The following CDH12 variants were observed in gnomAD, a reference collection of about 807,000 sequenced individuals.
CDH12 encodes cadherin-12.
In CDH12, 41 loss-of-function variants were observed where a neutral mutation model predicts 74.1. The ratio of observed to expected loss-of-function variants is 0.55; its 90% CI spans 0.43 to 0.72. CDH12 has a LOEUF of 0.72. Ranked by LOEUF, CDH12 falls within the 30% of genes least tolerant of loss-of-function variation. The pLI is 0.00. For missense variants in CDH12, 945 were observed against 977.2 expected, an observed-to-expected ratio of 0.97 and a Z score of 0.44; for synonymous variants, 399 against 355.0, an observed-to-expected ratio of 1.12 and a Z score of -1.39.
intron 4 of CDH12, among the ~76,000 whole-genome samples, chr5:22,196,972 T>A (rs1165990837): frequency 6.6e-6 from 1 of 152,146 alleles, no homozygotes; most frequent in African/African-American, 2.4e-5. Context: ...GCTTAATATC[T>A]GGGTGATGAA....
intron 5 of CDH12, among the ~76,000 whole-genome samples, chr5:22,050,772 T>C (rs1326762529): frequency 6.6e-6 from 1 of 152,170 alleles, no homozygotes; most frequent in Non-Finnish European, 1.5e-5. Context: ...GGAGAGTTTC[T>C]GAAAAAGCTG....
chr5:22,029,524 A>G (rs972478925), intron 5 of CDH12, among the ~76,000 whole-genome samples: 2 of 151,112 alleles, frequency 1.3e-5, no homozygotes, highest in Non-Finnish European at 3.0e-5. Context: ...GCTCATCATC[A>G]CTGGCCATCA....
chr5:22,320,565 A>T (rs2150436692), intron 3 of CDH12, among the ~76,000 whole-genome samples: 2 of 152,342 alleles, frequency 1.3e-5, no homozygotes, highest in Non-Finnish European at 2.9e-5. Context: ...TGTGGAATAC[A>T]AATAAACAAG....
chr5:22,537,380 C>T (rs1737898563), intron 1 of CDH12, among the ~76,000 whole-genome samples: 1 of 152,162 alleles, frequency 6.6e-6, no homozygotes, highest in African/African-American at 2.4e-5. Flanking sequence ...GAATTTAATA[C>T]AGTAGTATTG....
At chr5:22,132,551 AC>A (rs1301040975) in intron 4 of CDH12, among the ~76,000 whole-genome samples, 1 of 151,784 alleles carries the variant, frequency 6.6e-6, no homozygotes, top group Non-Finnish European at 1.5e-5. Context: ...GGAAGAAATA[AC>A]AAACTCCTTA....
chr5:21,832,714 T>C (rs1749093020), intron 8 of CDH12, among the ~76,000 whole-genome samples: 1 of 143,134 alleles, frequency 7.0e-6, no homozygotes, highest in South Asian at 2.1e-4. Flanking sequence ...ATTTAATGAG[T>C]AATGGAAATG....
At chr5:22,839,990 C>T (rs1737010525) in intron 1 of CDH12, among the ~76,000 whole-genome samples, 1 of 152,166 alleles carries the variant, frequency 6.6e-6, no homozygotes, top group African/African-American at 2.4e-5. Flanking sequence ...ATTAGTCACA[C>T]ACAAACCAGA....
At chr5:22,711,723 CT>C (rs1743298221) in intron 1 of CDH12, among the ~76,000 whole-genome samples, 1 of 151,868 alleles carries the variant, frequency 6.6e-6, no homozygotes, top group African/African-American at 2.4e-5. Flanking sequence ...TTACTTGATT[CT>C]TTAGGGAAAA....
intron 2 of CDH12, among the ~76,000 whole-genome samples, chr5:22,500,472 G>A (rs1293248876): frequency 6.6e-6 from 1 of 152,080 alleles, no homozygotes; most frequent in African/African-American, 2.4e-5. Flanking sequence ...CAAAGCAAAT[G>A]ATAAGCATTT....
intron 1 of CDH12, among the ~76,000 whole-genome samples, chr5:22,577,463 C>A (rs1739852503): frequency 6.6e-6 from 1 of 152,032 alleles, no homozygotes; most frequent in Non-Finnish European, 1.5e-5. Context: ...ATTATAAGGG[C>A]TTAATTTAAA....
At chr5:22,834,953 A>G (rs1247571577) in intron 1 of CDH12, among the ~76,000 whole-genome samples, 3 of 152,108 alleles carry the variant, frequency 2.0e-5, no homozygotes, top group Non-Finnish European at 4.4e-5. Context: ...GAGATAAATA[A>G]AAGTAAGCCA....
intron 11 of CDH12, among the ~76,000 whole-genome samples, chr5:21,776,853 C>T (rs990440500): frequency 6.6e-6 from 1 of 152,102 alleles, no homozygotes. Flanking sequence ...CCATTGAGCA[C>T]AAGGTGAAAA....
intron 1 of CDH12, among the ~76,000 whole-genome samples, chr5:22,822,358 C>T (rs1749748646): frequency 6.6e-6 from 1 of 152,032 alleles, no homozygotes; most frequent in African/African-American, 2.4e-5. Flanking sequence ...AAAGCAATGG[C>T]AACAAAAGCC....
chr5:22,381,438 C>CG (rs1741754984), intron 3 of CDH12, among the ~76,000 whole-genome samples: 1 of 151,938 alleles, frequency 6.6e-6, no homozygotes, highest in African/African-American at 2.4e-5. Context: ...TTTCAATCTT[C>CG]GGGTTGGTCA....
intron 1 of CDH12, among the ~76,000 whole-genome samples, chr5:22,564,134 T>A (rs184755150): frequency 3.3e-5 from 5 of 152,340 alleles, no homozygotes; most frequent in African/African-American, 4.8e-5. Flanking sequence ...AATTTTCTGA[T>A]CATTTTGCTG....
Position 21,943,363 on chromosome 5 carries a change from C to T in CDH12, c.526+31728G>A, listed in dbSNP as rs12654568. 2.6e-5 allele frequency among the ~76,000 whole-genome samples: 4 copies of T among 152,098 alleles called. No individual in the cohort carries two copies. In the East Asian group the frequency reaches 7.7e-4, roughly 29 times the overall value. On this transcript the variant is annotated intron_variant, in intron 6 of 14. Coordinates refer to ENST00000382254, the MANE Select transcript of CDH12 (RefSeq NM_004061.5). ...ACATTTATATAACATTGAATTTATT[C>T]TCAAAATTTTATGCAACCAATTACA... is the stretch of plus-strand genomic sequence containing the variant.
intron 2 of CDH12, among the ~76,000 whole-genome samples, chr5:22,468,940 T>C (rs1451908112): frequency 3.3e-5 from 5 of 152,212 alleles, no homozygotes; most frequent in African/African-American, 1.2e-4. Context: ...CAATTGAATA[T>C]TTTTAACTGT....
intron 1 of CDH12, among the ~76,000 whole-genome samples, chr5:22,646,721 G>T (rs73062272): frequency 0.018 from 2,750 of 151,932 alleles, 75 homozygotes; most frequent in African/African-American, 0.062. Context: ...TTAGTGAGAA[G>T]AATGCAGGAC....
At chr5:22,366,839 C>T (rs1343188738) in intron 3 of CDH12, among the ~76,000 whole-genome samples, 2 of 152,132 alleles carry the variant, frequency 1.3e-5, no homozygotes, top group Admixed American at 1.3e-4. Context: ...TACTAATCAG[C>T]CCTGTACTGA....
Sources: allele counts gnomAD v4.1 joint callset (sites outside exome capture counted in the v4.1 genomes callset), GRCh38; gene constraint gnomAD v4.1.1; transcripts MANE v1.5; gene names NCBI Gene and HGNC (gene_info 2026-07-23, HGNC 2026-07-21).